The following OSBPL2 variants were observed in gnomAD, a reference collection of about 807,000 sequenced individuals.
OSBPL2 encodes oxysterol binding protein like 2.
A neutral mutation model predicts 58.4 loss-of-function variants in OSBPL2; 18 were observed. The ratio of observed to expected loss-of-function variants is 0.31; its 90% CI spans 0.21 to 0.46. The LOEUF (loss-of-function observed/expected upper bound fraction) is 0.46. Among genes scored for constraint, OSBPL2 ranks in the 20% least tolerant of loss-of-function variants. The pLI is 1.00. For missense variants in OSBPL2, 461 were observed against 616.5 expected (o/e 0.75, Z 2.67); for synonymous variants, 221 against 234.1 (o/e 0.94, Z 0.51).
chr20:62,272,299 G>T, intron 5 of OSBPL2, 40 bp downstream of exon 5: 1 of 1,603,742 alleles, frequency 6.2e-7, no homozygotes, highest in African/African-American at 1.3e-5. Flanking sequence ...TGTCATGAAA[G>T]TGATGCCCCT....
chr20:62,247,752 C>T (rs1481785368), intron 1 of OSBPL2, among the ~76,000 whole-genome samples: 1 of 151,456 alleles, frequency 6.6e-6, no homozygotes, highest in African/African-American at 2.4e-5. Context: ...CTGCAATCTC[C>T]TCCTCAGGTT....
intron 6 of OSBPL2, chr20:62,278,912 T>TTGTG: frequency 2.1e-6 from 1 of 466,384 alleles, no homozygotes; most frequent in South Asian, 3.0e-5. Flanking sequence ...AATGTCATGT[T>TTGTG]TGTGTGTGTG....
intron 1 of OSBPL2, among the ~76,000 whole-genome samples, chr20:62,245,632 A>G (rs1200457408): frequency 1.3e-5 from 2 of 152,232 alleles, no homozygotes; most frequent in Non-Finnish European, 2.9e-5. Flanking sequence ...ATCAAGAACC[A>G]GTGTTCAATA....
At position 62,269,620 on chromosome 20, in the gene OSBPL2, A is replaced by G. The variant is rs2145947671; in HGVS notation, c.259-2505A>G. On this transcript the variant is annotated intron_variant, in intron 4 of 13. Transcript: ENST00000313733. This position sits in a 1 kb window ranked among gnomAD's most constrained non-coding sequence, Gnocchi z 4.2. ...TGGTCCCAATCTCTGGCCGCTGTGG[A>G]CTGTGGCCTCTTCTAGTTTACCAGG... Among the ~76,000 whole-genome samples the G allele has an allele frequency of 6.6e-6, 1 of 152,214 alleles. No homozygotes were observed. The highest frequency in any genetic ancestry group is 2.4e-5 in the African/African-American group (1 of 41,516).
rs921474018 is a variant in OSBPL2 at position 62,295,410 on chromosome 20, A to G, written c.*1523A>G. On this transcript the variant is annotated 3_prime_UTR_variant, in exon 14 of 14. Coordinates refer to ENST00000313733, the MANE Select transcript of OSBPL2 (RefSeq NM_144498.4). This position sits in a 1 kb window ranked among gnomAD's most constrained non-coding sequence, Gnocchi z 4.8. ...ACTCAGGCCGGCACTTCTGAGTGACAGGTGCCACCTGCGTGTGTCTTGGCG... is the reference window on the plus strand; with the variant it reads ...ACTCAGGCCGGCACTTCTGAGTGACGGGTGCCACCTGCGTGTGTCTTGGCG... 3 of 152,236 alleles carry G rather than the reference A, an allele frequency of 2.0e-5. No homozygotes were observed. The highest frequency in any genetic ancestry group is 7.2e-5 in the African/African-American group (3 of 41,470). The allele number at this position is 152,236 out of a possible 1,614,324, so 9.4% of individuals were successfully genotyped here. A position where few individuals can be genotyped will look rare whatever the true frequency, so the allele number is the denominator to read the frequency against.
chr20:62,281,695 C>T, intron 8 of OSBPL2, 95 bp from the exon 9 acceptor site: 1 of 878,214 alleles, frequency 1.1e-6, no homozygotes, highest in East Asian at 2.5e-5. Context: ...CCCCGCCTGC[C>T]CCAGGGGCCT....
chr20:62,261,157 A>C (rs1981273982), intron 3 of OSBPL2, among the ~76,000 whole-genome samples: 1 of 151,924 alleles, frequency 6.6e-6, no homozygotes, highest in Admixed American at 6.6e-5. Flanking sequence ...CTCTACTAAA[A>C]TACAAAAAAT....
intron 9 of OSBPL2, among the ~76,000 whole-genome samples, chr20:62,283,597 G>C (rs1047733607): frequency 1.3e-5 from 2 of 152,254 alleles, no homozygotes; most frequent in Admixed American, 6.5e-5. Flanking sequence ...GATAGAAAAG[G>C]GCTGAAGGAC....
rs1449468438 is a variant in OSBPL2 at position 62,269,549 on chromosome 20, C to CT, written c.259-2575dup. ...TCTCCTCTCCTGAGCAAGGCAGCGT[C>CT]TCCCCCATGCTCAGGGCTGCCACCG... On this transcript the variant is annotated intron_variant, in intron 4 of 13. Transcript: ENST00000313733. The surrounding 1 kb of genome is among the most constrained non-coding windows in gnomAD (Gnocchi z 4.2). Among the ~76,000 whole-genome samples the CT allele has an allele frequency of 6.6e-6, 1 of 152,200 alleles. No individual in the cohort carries two copies. The highest frequency in any genetic ancestry group is 1.5e-5 in the Non-Finnish European group (1 of 68,030).
chr20:62,251,407 CTTT>C (rs1249189807), intron 1 of OSBPL2, among the ~76,000 whole-genome samples: 1 of 110,842 alleles, frequency 9.0e-6, no homozygotes, highest in Non-Finnish European at 1.9e-5. Context: ...ACTATCGTGA[CTTT>C]TTTTTTTTTT....
chr20:62,265,000 T>C (rs1329437556), intron 4 of OSBPL2, among the ~76,000 whole-genome samples: 2 of 152,252 alleles, frequency 1.3e-5, no homozygotes, highest in East Asian at 3.8e-4. Context: ...GTCTTGTTAG[T>C]GGGACTGTTA....
At position 62,281,218 on chromosome 20, in the gene OSBPL2, C is replaced by T. The variant is rs561120933; in HGVS notation, c.782+53C>T. On this transcript the variant is annotated intron_variant, in intron 8 of 13. Transcript: ENST00000313733. ...GCGCGAGGCTCCGGGTGGGGATGGG[C>T]GAGCCGGGGAGCGTGAGCATCCGTG... 8.3e-4 allele frequency: 1,113 copies of T among 1,338,024 alleles called. 3 individuals carry two copies. The highest frequency in any genetic ancestry group is 9.6e-4 in the Non-Finnish European group (899 of 931,964). The allele number at this position is 1,338,024 out of a possible 1,614,324, so 82.9% of individuals were successfully genotyped here.
chr20:62,260,180 T>A (rs1217110619), intron 3 of OSBPL2, 55 bp downstream of exon 3: 2 of 1,554,466 alleles, frequency 1.3e-6, no homozygotes, highest in Non-Finnish European at 1.8e-6. Flanking sequence ...ACCCCAAAAA[T>A]ACTCTGCAGG....
At chr20:62,248,123 CTTTTCTTTTT>C (rs1980260360) in intron 1 of OSBPL2, among the ~76,000 whole-genome samples, 2 of 147,710 alleles carry the variant, frequency 1.4e-5, no homozygotes, top group African/African-American at 2.5e-5. Context: ...TATTTTCTCT[CTTTTCTTTTT>C]TTTTCTTTTT....
rs151114425 is a variant in OSBPL2, at chr20:62,275,191, C to T, written c.491+1785C>T. 6.6e-5 allele frequency among the ~76,000 whole-genome samples: 10 copies of T among 152,146 alleles called. No homozygotes were observed. In the East Asian group the frequency reaches 1.2e-3, roughly 18 times the overall value. Reference sequence around the variant, plus strand: ...TCTAACCTGGACTACAGAGCCAGACCGTGTCTCTTTAAAAAAAATGAGAGG... The same window carrying T: ...TCTAACCTGGACTACAGAGCCAGACTGTGTCTCTTTAAAAAAAATGAGAGG... On this transcript the variant is annotated intron_variant, in intron 6 of 13. Transcript: ENST00000313733.
intron 1 of OSBPL2, chr20:62,242,688 G>A (rs958968859): frequency 3.4e-4 from 52 of 152,328 alleles, no homozygotes; most frequent in African/African-American, 1.3e-3. Context: ...TGCGCACTGA[G>A]GGCCTGGGGG....
chr20:62,260,591 A>C (rs926158833), intron 3 of OSBPL2, among the ~76,000 whole-genome samples: 2 of 152,164 alleles, frequency 1.3e-5, no homozygotes, highest in Admixed American at 1.3e-4. Flanking sequence ...CAGGACAAGA[A>C]GCGTTTAATT....
chr20:62,273,467 A>C, intron 6 of OSBPL2, 61 bp downstream of exon 6: 1 of 1,256,598 alleles, frequency 8.0e-7, no homozygotes, highest in Non-Finnish European at 1.2e-6. Context: ...ATGACAGATA[A>C]GTTTGATTCT....
intron 9 of OSBPL2, 75 bp downstream of exon 9, chr20:62,281,954 G>GA: frequency 4.3e-6 from 4 of 939,442 alleles, no homozygotes; most frequent in Non-Finnish European, 7.0e-6. Context: ...AGGTGCTCCT[G>GA]GGCCTGCGTG....
Sources: allele counts gnomAD v4.1 joint callset (sites outside exome capture counted in the v4.1 genomes callset), GRCh38; gene constraint gnomAD v4.1.1; non-coding constraint Gnocchi (gnomAD v3.1); transcripts MANE v1.5; gene names NCBI Gene and HGNC (gene_info 2026-07-23, HGNC 2026-07-21).